The following CLDN10 variants were observed in gnomAD, a reference collection of about 807,000 sequenced individuals.
CLDN10 encodes the protein claudin 10.
A neutral mutation model predicts 22.9 loss-of-function variants in CLDN10; 15 were observed. The ratio of observed to expected loss-of-function variants is 0.65; its 90% confidence interval spans 0.44 to 1.01. The LOEUF (loss-of-function observed/expected upper bound fraction) is 1.01, where lower values mean the gene tolerates loss of function less well. Among genes scored for constraint, CLDN10 ranks in the 50% least tolerant of loss-of-function variants. The pLI is 0.00. For missense variants in CLDN10, 247 were observed against 287.8 expected, an observed-to-expected ratio of 0.86 and a Z score of 1.03; for synonymous variants, 114 against 111.4, an observed-to-expected ratio of 1.02 and a Z score of -0.15.
At chr13:95,437,175 C>G (rs2042280476) in intron 1 of CLDN10, among the ~76,000 whole-genome samples, 1 of 152,126 alleles carries the variant, frequency 6.6e-6, no homozygotes, top group African/African-American at 2.4e-5. Context: ...TTAATAGTGA[C>G]TACATCCCTT....
At chr13:95,473,286 C>T (rs2042654317) in intron 1 of CLDN10, among the ~76,000 whole-genome samples, 1 of 152,040 alleles carries the variant, frequency 6.6e-6, no homozygotes, top group Non-Finnish European at 1.5e-5. Context: ...GAGCTTAAGA[C>T]CTAGGTGATG....
At chr13:95,450,865 G>T (rs746196919) in intron 1 of CLDN10, among the ~76,000 whole-genome samples, 2 of 152,220 alleles carry the variant, frequency 1.3e-5, no homozygotes, top group Non-Finnish European at 2.9e-5. Flanking sequence ...GGCTACAGAT[G>T]AAACCCCCAA....
At chr13:95,555,499 G>A (rs930039003) in intron 1 of CLDN10, among the ~76,000 whole-genome samples, 5 of 152,106 alleles carry the variant, frequency 3.3e-5, no homozygotes, top group Admixed American at 6.5e-5. Context: ...TTGTGGTTTC[G>A]ATGATTTGTC....
chr13:95,461,322 C>T (rs2042534876), intron 1 of CLDN10, among the ~76,000 whole-genome samples: 1 of 152,108 alleles, frequency 6.6e-6, no homozygotes, highest in Non-Finnish European at 1.5e-5. Flanking sequence ...TCTACTCCAC[C>T]CCATTCTATT....
intron 1 of CLDN10, among the ~76,000 whole-genome samples, chr13:95,489,589 T>A (rs975458837): frequency 6.6e-6 from 1 of 152,144 alleles, no homozygotes; most frequent in Admixed American, 6.5e-5. Context: ...TCTTACTCAT[T>A]TGAGCTTGTT....
chr13:95,451,019 G>A lies in CLDN10; in HGVS notation c.214+16972G>A, dbSNP rs189756404. On this transcript the variant is annotated intron_variant, in intron 1 of 4. Coordinates refer to the CLDN10 transcript ENST00000376873. ...AGCTTTACCCATGCCCGTTTTGCAG[G>A]TGAGGTAACTACACAGAGCTTGGAG... 2.2e-3 allele frequency among the ~76,000 whole-genome samples: 337 copies of A among 152,286 alleles called. 4 individuals are homozygous for A. The South Asian group carries it at 0.026, about 12-fold the overall frequency.
Position 95,479,970 on chromosome 13 carries a change from A to G in CLDN10, c.214+45923A>G, listed in dbSNP as rs1241400189. 5.9e-5 allele frequency: 9 copies of G among 152,438 alleles called. No individual in the cohort carries two copies. The South Asian group carries it at 1.9e-3, about 32-fold the overall frequency. 9.4% of individuals were successfully genotyped at this position (152,438 alleles called of 1,614,324 possible). A position where few individuals can be genotyped will look rare whatever the true frequency, so the allele number is the denominator to read the frequency against. On this transcript the variant is annotated intron_variant, in intron 1 of 4. Transcript: ENST00000376873. ...TAGTCCATCTTCACACTGCTAATAAAGACATACCCAAGACTGGGGAATTTA... is the reference window on the plus strand; with the variant it reads ...TAGTCCATCTTCACACTGCTAATAAGGACATACCCAAGACTGGGGAATTTA...
chr13:95,568,143 GTTTA>G (rs1448914208), intron 3 of CLDN10, among the ~76,000 whole-genome samples: 4 of 152,118 alleles, frequency 2.6e-5, no homozygotes, highest in African/African-American at 9.7e-5. Flanking sequence ...ATGGATGTTT[GTTTA>G]TTTAAGTTTA....
At chr13:95,560,336 A>G in intron 2 of CLDN10, 43 bp downstream of exon 2, 2 of 1,613,476 alleles carry the variant, frequency 1.2e-6, no homozygotes, top group African/African-American at 1.3e-5. Flanking sequence ...TGATGATGTT[A>G]ATGAAATCAC....
chr13:95,441,873 C>A (rs2042327629), intron 1 of CLDN10, among the ~76,000 whole-genome samples: 1 of 152,172 alleles, frequency 6.6e-6, no homozygotes, highest in South Asian at 2.1e-4. Context: ...CACATATGGC[C>A]AGGCATGGTG....
chr13:95,443,220 G>C (rs1382445653), intron 1 of CLDN10, among the ~76,000 whole-genome samples: 1 of 152,174 alleles, frequency 6.6e-6, no homozygotes, highest in African/African-American at 2.4e-5. Context: ...ATGTTTTGTG[G>C]ACCTTAGGTG....
At chr13:95,466,462 T>C (rs2042582123) in intron 1 of CLDN10, among the ~76,000 whole-genome samples, 1 of 152,208 alleles carries the variant, frequency 6.6e-6, no homozygotes, top group Non-Finnish European at 1.5e-5. Flanking sequence ...GAGAACCCAT[T>C]GGAGCTTGAA....
rs200880568 is a variant in CLDN10 at position 95,520,369 on chromosome 13, CATTT to C, written c.215-39745_215-39742del. ...CTATTTTTAGATGGAAAAAAGTTCCCATTTATTTATTTATTTATTTAGAGATGGA... is the reference window on the plus strand; with the variant it reads ...CTATTTTTAGATGGAAAAAAGTTCCCATTTATTTATTTATTTAGAGATGGA... On this transcript the variant is annotated intron_variant, in intron 1 of 4. Coordinates refer to the CLDN10 transcript ENST00000376873. Among the ~76,000 whole-genome samples, 12 of 151,782 alleles carry C rather than the reference CATTT, an allele frequency of 7.9e-5. No individual in the cohort carries two copies. In the East Asian group the frequency reaches 1.9e-3, roughly 25 times the overall value.
chr13:95,453,355 C>T (rs566718000), intron 1 of CLDN10, among the ~76,000 whole-genome samples: 44 of 152,298 alleles, frequency 2.9e-4, no homozygotes, highest in African/African-American at 1.0e-3. Context: ...ACCTCACCCA[C>T]CAGTCTCAAA....
Position 95,560,244 on chromosome 13 carries a change from A to C in CLDN10, c.333A>C (p.Lys111Asn), listed in dbSNP as rs2043690093. 6.2e-7 allele frequency: 1 copy of C among 1,614,074 alleles called. No homozygotes were observed. The highest frequency in any genetic ancestry group is 1.7e-5 in the Admixed American group (1 of 60,000). Residue 111 changes from lysine (K) to asparagine (N), a missense_variant, in exon 2 of 5, where the codon AAA becomes AAC. Physicochemically the swap from Lys to Asn is moderately conservative, Grantham distance 94. Transcript: ENST00000299339. ...MKCTKVGGSD[K>N]AKAKIACLAG... ...GTACCAAAGTCGGAGGCTCCGATAAAGCCAAAGCTAAAATTGCTTGTTTGG... is the reference window on the plus strand; with the variant it reads ...GTACCAAAGTCGGAGGCTCCGATAACGCCAAAGCTAAAATTGCTTGTTTGG...
intron 1 of CLDN10, among the ~76,000 whole-genome samples, chr13:95,463,286 ATATATATATATATATATATATATAT>A (rs2042552956): frequency 9.0e-5 from 2 of 22,322 alleles, no homozygotes; most frequent in Non-Finnish European, 7.0e-5. Flanking sequence ...CAAATGCTTA[ATATATATATATATATATATATATAT>A]ATATATATAT....
chr13:95,459,952 C>G (rs1020615952), intron 1 of CLDN10, among the ~76,000 whole-genome samples: 1 of 152,170 alleles, frequency 6.6e-6, no homozygotes, highest in Non-Finnish European at 1.5e-5. Flanking sequence ...CCCAAGTTAC[C>G]TCTTGAACAC....
intron 1 of CLDN10, among the ~76,000 whole-genome samples, chr13:95,499,759 G>A (rs2042965804): frequency 6.6e-6 from 1 of 152,132 alleles, no homozygotes. Flanking sequence ...ACTGACCCAG[G>A]CACTGACAAA....
rs776857009 is a variant in CLDN10, at chr13:95,471,453, A to ATATTTTTT, written c.214+37407_214+37408insATTTTTTT. On this transcript the variant is annotated intron_variant, in intron 1 of 4. Coordinates refer to the CLDN10 transcript ENST00000376873. The stretch of plus-strand genomic sequence containing the variant: ...CACACACACACACATATATATATAT[A>ATATTTTTT]TTTTTTTTTTTTTTTTTGAGATGGA... Among the ~76,000 whole-genome samples the ATATTTTTT allele has an allele frequency of 1.7e-3, 182 of 106,360 alleles. 2 individuals are homozygous for ATATTTTTT. Among genetic ancestry groups the ATATTTTTT allele is most frequent in the South Asian group, 2.9e-3 (9 of 3,066 alleles). 69.8% of individuals were successfully genotyped at this position (106,360 alleles called of 152,430 possible).
Sources: allele counts gnomAD v4.1 joint callset (sites outside exome capture counted in the v4.1 genomes callset), GRCh38; gene constraint gnomAD v4.1.1; transcripts MANE v1.5; gene names NCBI Gene and HGNC (gene_info 2026-07-23, HGNC 2026-07-21).